L3MBTL4: variants seen among roughly 807,000 people sequenced by gnomAD.
The protein encoded by L3MBTL4 is lethal(3)malignant brain tumor-like protein 4.
L3MBTL4 carries 70 observed loss-of-function variants against 84.5 expected under a neutral mutation model. The observed-to-expected ratio is 0.83, with a 90% CI of 0.68 to 1.01. L3MBTL4 has a LOEUF of 1.01. Ranked by LOEUF, L3MBTL4 falls within the 50% of genes least tolerant of loss-of-function variation. The probability of loss-of-function intolerance (pLI) is 0.00; values close to 1 mark genes in which losing one functional copy is unlikely to be tolerated. For synonymous variants in L3MBTL4, 274 were observed against 259.8 expected (o/e 1.05, Z -0.52); for missense variants, 715 against 754.8 (o/e 0.95, Z 0.62).
At chr18:6,343,054 ACC>A (rs1278505175) in intron 1 of L3MBTL4, among the ~76,000 whole-genome samples, 1 of 152,212 alleles carries the variant, frequency 6.6e-6, no homozygotes, top group African/African-American at 2.4e-5. Flanking sequence ...TTATATATGC[ACC>A]CAACATAAGA....
At chr18:6,054,177 T>A (rs920980625) in intron 16 of L3MBTL4, among the ~76,000 whole-genome samples, 22 of 152,138 alleles carry the variant, frequency 1.4e-4, no homozygotes, top group African/African-American at 5.3e-4. Flanking sequence ...GCGAAACTGA[T>A]GGACTGAGAC....
chr18:6,145,081 A>C (rs1441859191), intron 13 of L3MBTL4, among the ~76,000 whole-genome samples: 1 of 152,216 alleles, frequency 6.6e-6, no homozygotes, highest in Non-Finnish European at 1.5e-5. Context: ...TTCTTTTGTG[A>C]AATCAAGCAA....
chr18:6,230,269 T>C (rs2046942283), intron 10 of L3MBTL4, among the ~76,000 whole-genome samples: 1 of 152,080 alleles, frequency 6.6e-6, no homozygotes, highest in African/African-American at 2.4e-5. Context: ...TGTCTCTTGT[T>C]GTTTTATTTC....
chr18:6,056,229 C>T (rs16949344), intron 16 of L3MBTL4, among the ~76,000 whole-genome samples: 3 of 152,088 alleles, frequency 2.0e-5, no homozygotes, highest in Non-Finnish European at 2.9e-5. Flanking sequence ...ATTAAACAAA[C>T]AAGCATGTCA....
At chr18:6,042,942 C>T (rs943465606) in intron 16 of L3MBTL4, among the ~76,000 whole-genome samples, 10 of 152,158 alleles carry the variant, frequency 6.6e-5, no homozygotes, top group Non-Finnish European at 1.2e-4. Flanking sequence ...AGACGTAACT[C>T]AATATTCTCA....
At chr18:6,297,456 A>C (rs1182426399) in intron 4 of L3MBTL4, among the ~76,000 whole-genome samples, 6 of 152,216 alleles carry the variant, frequency 3.9e-5, no homozygotes, top group Admixed American at 3.9e-4. Context: ...CTAAGATATT[A>C]ATGTTAGGAG....
chr18:6,325,851 C>T (rs1369419406), intron 1 of L3MBTL4, among the ~76,000 whole-genome samples: 2 of 152,172 alleles, frequency 1.3e-5, no homozygotes, highest in Admixed American at 6.5e-5. Flanking sequence ...AAAGTTGATA[C>T]AGGTAAAATA....
intron 13 of L3MBTL4, among the ~76,000 whole-genome samples, chr18:6,155,999 A>T (rs1402829523): frequency 6.6e-6 from 1 of 152,170 alleles, no homozygotes; most frequent in Non-Finnish European, 1.5e-5. Context: ...AAAATGAAAG[A>T]TTTTCCAAGA....
At chr18:6,222,483 C>T (rs1211099808) in intron 10 of L3MBTL4, among the ~76,000 whole-genome samples, 3 of 152,238 alleles carry the variant, frequency 2.0e-5, no homozygotes, top group Non-Finnish European at 4.4e-5. Flanking sequence ...GCAGAACTGT[C>T]TTCAATACCA....
chr18:6,032,144 A>T (rs2055838327), intron 16 of L3MBTL4: 3 of 275,776 alleles, frequency 1.1e-5, no homozygotes, highest in Non-Finnish European at 1.9e-5. Context: ...CGCCTGGCTA[A>T]TTTTTTGTAT....
chr18:6,072,200 A>G (rs139931501), intron 16 of L3MBTL4, among the ~76,000 whole-genome samples: 68 of 152,324 alleles, frequency 4.5e-4, no homozygotes, highest in African/African-American at 1.6e-3. Context: ...TATCACAACC[A>G]TAGTAGAGGA....
At chr18:6,310,812 T>C (rs906463647) in intron 3 of L3MBTL4, among the ~76,000 whole-genome samples, 20 of 152,214 alleles carry the variant, frequency 1.3e-4, no homozygotes, top group Non-Finnish European at 2.8e-4. Flanking sequence ...TAGTGAACAT[T>C]ATACCTTCTA....
intron 16 of L3MBTL4, among the ~76,000 whole-genome samples, chr18:6,014,096 T>C (rs2145418694): frequency 6.6e-6 from 1 of 152,306 alleles, no homozygotes; most frequent in Admixed American, 6.5e-5. Context: ...CGATTTTCTC[T>C]TTGGTAAATG....
intron 5 of L3MBTL4, chr18:6,260,146 T>A (rs185154165): frequency 2.6e-5 from 4 of 152,350 alleles, no homozygotes; most frequent in Non-Finnish European, 5.9e-5. Flanking sequence ...TCCATTGTTC[T>A]ATGTATGTGT....
chr18:6,307,386 G>A (rs1008444898), intron 3 of L3MBTL4, among the ~76,000 whole-genome samples: 1 of 149,460 alleles, frequency 6.7e-6, no homozygotes, highest in Non-Finnish European at 1.5e-5. Context: ...GCAGTGAGCC[G>A]AGATTGCGCC....
intron 1 of L3MBTL4, among the ~76,000 whole-genome samples, chr18:6,363,078 T>C (rs373378622): frequency 6.6e-6 from 1 of 152,322 alleles, no homozygotes; most frequent in East Asian, 1.9e-4. Flanking sequence ...CTAGGACATA[T>C]ATCGGGGATG....
intron 4 of L3MBTL4, among the ~76,000 whole-genome samples, chr18:6,300,425 T>C (rs2050288233): frequency 6.6e-6 from 1 of 152,158 alleles, no homozygotes; most frequent in African/African-American, 2.4e-5. Context: ...GACCATTAAC[T>C]ATAAAACAAG....
intron 16 of L3MBTL4, chr18:6,029,652 A>G: frequency 3.0e-6 from 3 of 985,360 alleles, no homozygotes; most frequent in Non-Finnish European, 3.6e-6. Context: ...ATTACAGGAC[A>G]GGAAATATTT....
chr18:6,363,632 G>A (rs375522028), intron 1 of L3MBTL4, among the ~76,000 whole-genome samples: 117 of 151,552 alleles, frequency 7.7e-4, no homozygotes, highest in African/African-American at 2.7e-3. Flanking sequence ...AACCCCTTAA[G>A]CCTCACAGTA....
Sources: allele counts gnomAD v4.1 joint callset (sites outside exome capture counted in the v4.1 genomes callset), GRCh38; gene constraint gnomAD v4.1.1; transcripts MANE v1.5; gene names NCBI Gene and HGNC (gene_info 2026-07-23, HGNC 2026-07-21).